SNAP29: variants seen among roughly 807,000 people sequenced by gnomAD.
The protein encoded by SNAP29 is synaptosome associated protein 29, also known as synaptosomal-associated protein 29.
A neutral mutation model predicts 27.9 loss-of-function variants in SNAP29; 13 were observed. The ratio of observed to expected loss-of-function variants is 0.47; its 90% CI spans 0.30 to 0.74. The LOEUF is 0.74. Among genes scored for constraint, SNAP29 ranks in the 30% least tolerant of loss-of-function variants. The pLI is 0.06. For missense variants in SNAP29, 368 were observed against 336.5 expected (o/e 1.09, Z -0.73); for synonymous variants, 119 against 127.1 (o/e 0.94, Z 0.43).
chr22:20,870,317 C>T lies in SNAP29; in HGVS notation c.238-20C>T. 1 of 1,613,288 alleles carries T rather than the reference C, an allele frequency of 6.2e-7. No individual in the cohort carries two copies. The highest frequency in any genetic ancestry group is 8.5e-7 in the Non-Finnish European group (1 of 1,179,376). On this transcript the variant is annotated intron_variant, in intron 1 of 4. Coordinates refer to ENST00000215730, the MANE Select transcript of SNAP29 (RefSeq NM_004782.4). ...AGAGTCACAGAAAGCTATAATGCCA[C>T]TGCCTCTCGGTTTCCCCAGGAGCTC...
At chr22:20,881,838 C>G (rs1318063627) in intron 3 of SNAP29, among the ~76,000 whole-genome samples, 1 of 152,196 alleles carries the variant, frequency 6.6e-6, no homozygotes, top group Non-Finnish European at 1.5e-5. Context: ...TGTCCACGTC[C>G]TAATCCCCAG....
chr22:20,868,418 C>T (rs1928510798), intron 1 of SNAP29, among the ~76,000 whole-genome samples: 1 of 152,132 alleles, frequency 6.6e-6, no homozygotes, highest in Non-Finnish European at 1.5e-5. Flanking sequence ...TTCAACCAAC[C>T]AGTGTTTTAG....
At chr22:20,884,816 C>T (rs1928974827) in intron 4 of SNAP29, among the ~76,000 whole-genome samples, 1 of 152,058 alleles carries the variant, frequency 6.6e-6, no homozygotes, top group African/African-American at 2.4e-5. Flanking sequence ...GCTTTTGTTG[C>T]CCAGGCTGCA....
chr22:20,886,319 A>G (rs115586149), intron 4 of SNAP29, among the ~76,000 whole-genome samples: 4,515 of 149,608 alleles, frequency 0.03, 88 homozygotes, highest in Middle Eastern at 0.067. Flanking sequence ...TATATTTTTT[A>G]ATTTCTTTCT....
At chr22:20,859,649 A>G (rs1357978689) in intron 1 of SNAP29, 2 of 455,606 alleles carry the variant, frequency 4.4e-6, no homozygotes, top group Non-Finnish European at 7.9e-6. Flanking sequence ...AGGTGAGTAA[A>G]AATTCTGAAC....
chr22:20,873,778 G>A (rs1306355996), intron 2 of SNAP29, among the ~76,000 whole-genome samples: 2 of 149,424 alleles, frequency 1.3e-5, no homozygotes, highest in Non-Finnish European at 3.0e-5. Context: ...GACCAGGCCA[G>A]CCAACATGGT....
At chr22:20,860,117 C>T (rs1210480601) in intron 1 of SNAP29, among the ~76,000 whole-genome samples, 1 of 151,770 alleles carries the variant, frequency 6.6e-6, no homozygotes, top group East Asian at 2.0e-4. Context: ...TTTGGGAGGC[C>T]TAGGCGTCGG....
At chr22:20,885,127 TTG>T (rs1363487565) in intron 4 of SNAP29, among the ~76,000 whole-genome samples, 1 of 152,142 alleles carries the variant, frequency 6.6e-6, no homozygotes, top group East Asian at 1.9e-4. Flanking sequence ...CAAGTAGGTG[TTG>T]GCCTGTGGGC....
chr22:20,868,564 T>A (rs1928513983), intron 1 of SNAP29, among the ~76,000 whole-genome samples: 1 of 152,134 alleles, frequency 6.6e-6, no homozygotes. Flanking sequence ...GTTTCCAGGA[T>A]GTTTAAAATT....
At position 20,888,898 on chromosome 22, in the gene SNAP29, G is replaced by T. The variant is rs889904652; in HGVS notation, c.*1062G>T. 6.6e-6 allele frequency: 1 copy of T among 152,136 alleles called. No homozygotes were observed. The highest frequency in any genetic ancestry group is 2.4e-5 in the African/African-American group (1 of 41,432). The allele number at this position is 152,136 out of a possible 1,614,324, so 9.4% of individuals were successfully genotyped here. A position where few individuals can be genotyped will look rare whatever the true frequency, so the allele number is the denominator to read the frequency against. On this transcript the variant is annotated 3_prime_UTR_variant, in exon 5 of 5. Coordinates refer to ENST00000215730, the MANE Select transcript of SNAP29 (RefSeq NM_004782.4). The stretch of plus-strand genomic sequence containing the variant: ...TTAGGACTGGCACTCTATAAATGAC[G>T]CTGACTTTGTATAGAAGGATTTTGC...
rs748826506 is a variant in SNAP29 at position 20,870,477 on chromosome 22, A to G, written c.378A>G (p.Lys126=). The G allele has an allele frequency of 1.2e-6, 2 of 1,614,166 alleles. No individual in the cohort carries two copies. Among genetic ancestry groups the G allele is most frequent in the South Asian group, 2.2e-5 (2 of 91,066 alleles). ...FGGLVNYFKS[K]PVETPPEQNG... is the part of the protein sequence containing the mutation. ...GGCTGGTCAATTACTTCAAATCCAA[A>G]CCAGTAGAGACCCCACCTGAACAGA... Residue 126 remains lysine (K), a synonymous_variant, in exon 2 of 5, where the codon AAA becomes AAG. Transcript: ENST00000215730.
intron 1 of SNAP29, among the ~76,000 whole-genome samples, chr22:20,870,091 G>A (rs193018733): frequency 4.6e-5 from 7 of 152,198 alleles, no homozygotes; most frequent in Non-Finnish European, 7.3e-5. Flanking sequence ...TTAACATGGC[G>A]CCATGAGCCA....
intron 2 of SNAP29, among the ~76,000 whole-genome samples, chr22:20,875,591 G>A (rs534235951): frequency 2.8e-4 from 43 of 152,270 alleles, no homozygotes; most frequent in African/African-American, 9.6e-4. Flanking sequence ...ATTGAAGGAG[G>A]GGTTGGTGCA....
intron 1 of SNAP29, 92 bp downstream of exon 1, chr22:20,859,439 C>T: frequency 1.0e-6 from 1 of 964,564 alleles, no homozygotes; most frequent in Non-Finnish European, 1.7e-6. Flanking sequence ...TTTGAGAATT[C>T]TCAAGTTGCC....
chr22:20,860,529 G>A (rs1203474318), intron 1 of SNAP29, among the ~76,000 whole-genome samples: 2 of 151,460 alleles, frequency 1.3e-5, no homozygotes, highest in East Asian at 4.0e-4. Context: ...CGCCACACCC[G>A]GCTAATTTTT....
intron 4 of SNAP29, among the ~76,000 whole-genome samples, chr22:20,885,677 TGA>T (rs2147873425): frequency 6.6e-6 from 1 of 152,308 alleles, no homozygotes; most frequent in South Asian, 2.1e-4. Flanking sequence ...TAGGAGGTGC[TGA>T]GGGTGCACAG....
At chr22:20,863,234 G>C (rs1928372518) in intron 1 of SNAP29, among the ~76,000 whole-genome samples, 1 of 152,180 alleles carries the variant, frequency 6.6e-6, no homozygotes, top group Non-Finnish European at 1.5e-5. Flanking sequence ...GAACAGAGGA[G>C]TATGAGCTCT....
chr22:20,866,585 G>C (rs1001168918), intron 1 of SNAP29, among the ~76,000 whole-genome samples: 1 of 152,170 alleles, frequency 6.6e-6, no homozygotes, highest in Non-Finnish European at 1.5e-5. Flanking sequence ...TTGGCTGCGA[G>C]TTGCAGTTGA....
At position 20,888,360 on chromosome 22, in the gene SNAP29, C is replaced by G. The variant is rs1412984681; in HGVS notation, c.*524C>G. 1 of 184,960 alleles carries G rather than the reference C, an allele frequency of 5.4e-6. No individual in the cohort carries two copies. Among genetic ancestry groups the G allele is most frequent in the African/African-American group, 2.5e-5 (1 of 39,646 alleles). The allele number at this position is 184,960 out of a possible 1,614,324, so 11.5% of individuals were successfully genotyped here. ...ACACACACACACACACACACACTCT[C>G]TGAGCACATTATCTGTGATTCTTTC... On this transcript the variant is annotated 3_prime_UTR_variant, in exon 5 of 5. Coordinates refer to ENST00000215730, the MANE Select transcript of SNAP29 (RefSeq NM_004782.4).
Sources: gnomAD v4.1 joint callset for allele counts (sites outside exome capture counted in the v4.1 genomes callset) on GRCh38, gnomAD v4.1.1 for gene constraint, MANE v1.5 for transcripts, NCBI Gene and HGNC (gene_info 2026-07-23, HGNC 2026-07-21) for gene names.